ABCB5: variants seen among roughly 807,000 people sequenced by gnomAD.
ABCB5 encodes the protein ATP binding cassette subfamily B member 5, also known as ATP-binding cassette sub-family B member 5.
A neutral mutation model predicts 144.2 loss-of-function variants in ABCB5; 155 were observed. That is an observed-to-expected ratio of 1.08 (90% CI 0.94 to 1.23). The LOEUF (loss-of-function observed/expected upper bound fraction) is 1.23, where lower values mean the gene tolerates loss of function less well. Ranked by LOEUF, ABCB5 falls within the 50% of genes most tolerant of loss-of-function variation. ABCB5 has a pLI of 0.00. For missense variants in ABCB5, 1,830 were observed against 1,520.8 expected, an observed-to-expected ratio of 1.20 and a Z score of -3.38; for synonymous variants, 610 against 528.6, an observed-to-expected ratio of 1.15 and a Z score of -2.11.
chr7:20,654,527 G>A (rs1388777103), intron 13 of ABCB5, among the ~76,000 whole-genome samples: 1 of 152,090 alleles, frequency 6.6e-6, no homozygotes, highest in Non-Finnish European at 1.5e-5. Flanking sequence ...CGACATTCCA[G>A]CCAACAACAG....
rs1180930969 is a variant in ABCB5 at position 20,647,971 on chromosome 7, C to A, written c.1099C>A (p.Pro367Thr). The A allele has an allele frequency of 6.3e-7, 1 of 1,575,994 alleles. No homozygotes were observed. Among genetic ancestry groups the A allele is most frequent in the South Asian group, 1.1e-5 (1 of 90,104 alleles). Residue 367 changes from proline to threonine, a missense_variant, in exon 11 of 28, where the codon CCC (proline) becomes ACC (threonine). Physicochemically the swap from Pro to Thr is conservative, Grantham distance 38. Transcript: ENST00000404938. ...FHIFQVIDKK[P>T]SIDNFSTAGY... ...ACATTTCCTTTGTTTTTCCAAGAAA[C>A]CCAGTATAGATAACTTTTCCACAGC...
intron 20 of ABCB5, among the ~76,000 whole-genome samples, chr7:20,707,929 G>A (rs148196418): frequency 0.17 from 26,110 of 149,492 alleles, 2,990 homozygotes; most frequent in East Asian, 0.58. Context: ...TCAGCCTCCC[G>A]AGTAGCTGGG....
chr7:20,623,129 G>A (rs1562525549), intron 1 of ABCB5, 136 bp from the exon 2 acceptor site: 3 of 587,916 alleles, frequency 5.1e-6, no homozygotes, highest in Non-Finnish European at 9.1e-6. Flanking sequence ...AATTGGAGTG[G>A]GGGGCTGGGC....
At position 20,645,884 on chromosome 7, in the gene ABCB5, T is replaced by C; in HGVS notation, c.803+4T>C. 1.9e-6 allele frequency: 3 copies of C among 1,613,178 alleles called. No homozygotes were observed. The highest frequency in any genetic ancestry group is 2.5e-6 in the Non-Finnish European group (3 of 1,179,612). On this transcript the variant is annotated splice_donor_region_variant and intron_variant, in intron 8 of 27. Coordinates refer to ENST00000404938, the MANE Select transcript of ABCB5 (RefSeq NM_001163941.2). ...CCCAGGAGAAAGAACTTCAAAGGTC[T>C]TTCCTTTTAAATATAACAAGATATG...
chr7:20,619,622 T>G (rs1783766422), intron 1 of ABCB5, among the ~76,000 whole-genome samples: 1 of 152,158 alleles, frequency 6.6e-6, no homozygotes, highest in Non-Finnish European at 1.5e-5. Context: ...TCTCTCATTT[T>G]GTAGGTTATG....
chr7:20,662,684 A>T (rs7792111), intron 14 of ABCB5, among the ~76,000 whole-genome samples: 7,763 of 151,878 alleles, frequency 0.051, 556 homozygotes, highest in African/African-American at 0.16. Flanking sequence ...AAAAAACATG[A>T]TTGGATATTT....
intron 26 of ABCB5, among the ~76,000 whole-genome samples, chr7:20,750,438 C>T (rs925726609): frequency 6.6e-6 from 1 of 151,476 alleles, no homozygotes; most frequent in African/African-American, 2.4e-5. Flanking sequence ...ACAAGCCACA[C>T]ACAAATTGTG....
At chr7:20,626,448 TA>T in intron 2 of ABCB5, 108 bp from the exon 3 acceptor site, 1 of 842,750 alleles carries the variant, frequency 1.2e-6, no homozygotes, top group Non-Finnish European at 1.8e-6. Flanking sequence ...AGTGTTGGTA[TA>T]AATTTGCTAC....
chr7:20,632,347 T>A (rs1057192555), intron 5 of ABCB5, among the ~76,000 whole-genome samples: 12 of 152,156 alleles, frequency 7.9e-5, no homozygotes, highest in Non-Finnish European at 1.2e-4. Flanking sequence ...AGAGTTGTCA[T>A]CAATTTTAAA....
chr7:20,617,259 A>T (rs752816789), intron 1 of ABCB5, among the ~76,000 whole-genome samples: 8 of 152,194 alleles, frequency 5.3e-5, no homozygotes, highest in Non-Finnish European at 8.8e-5. Context: ...TTAAAAAATC[A>T]TCTAATGAGC....
chr7:20,719,058 A>T (rs1412518925), intron 20 of ABCB5, among the ~76,000 whole-genome samples: 2 of 152,238 alleles, frequency 1.3e-5, no homozygotes, highest in Non-Finnish European at 2.9e-5. Context: ...AAATCAGGAT[A>T]CAAAACTGCA....
At chr7:20,724,376 C>G (rs1453844778) in intron 21 of ABCB5, among the ~76,000 whole-genome samples, 1 of 151,994 alleles carries the variant, frequency 6.6e-6, no homozygotes, top group Non-Finnish European at 1.5e-5. Context: ...ACCTGTAATC[C>G]CAGAACTTTG....
At chr7:20,663,324 CA>C (rs1358401299) in intron 14 of ABCB5, among the ~76,000 whole-genome samples, 2 of 152,026 alleles carry the variant, frequency 1.3e-5, no homozygotes, top group Non-Finnish European at 2.9e-5. Flanking sequence ...CTACAGTAGC[CA>C]AAAGGTGAAA....
At chr7:20,745,197 T>C (rs1782680687) in intron 25 of ABCB5, 35 bp from the exon 26 acceptor site, 1 of 1,599,210 alleles carries the variant, frequency 6.3e-7, no homozygotes, top group Admixed American at 1.7e-5. Flanking sequence ...AGTTGTGTGA[T>C]CTTAACACAC....
intron 20 of ABCB5, among the ~76,000 whole-genome samples, chr7:20,713,017 A>G (rs887114704): frequency 9.4e-5 from 14 of 149,488 alleles, no homozygotes; most frequent in African/African-American, 3.5e-4. Flanking sequence ...TCCTAATTGA[A>G]ATTGTGTGTC....
At chr7:20,644,089 GT>G (rs11345008) in intron 7 of ABCB5, among the ~76,000 whole-genome samples, 28,848 of 145,644 alleles carry the variant, frequency 0.2, 3,688 homozygotes, top group African/African-American at 0.38. Context: ...TATATGTAAA[GT>G]TTTTTTTTTT....
chr7:20,739,076 T>C lies in ABCB5; in HGVS notation c.2961T>C (p.His987=). 6.2e-7 allele frequency: 1 copy of C among 1,611,404 alleles called. No homozygotes were observed. The highest frequency in any genetic ancestry group is 1.3e-5 in the African/African-American group (1 of 74,876). Residue 987 remains histidine (H), a synonymous_variant, in exon 24 of 28, where the codon CAT becomes CAC. Coordinates refer to ENST00000404938, the MANE Select transcript of ABCB5 (RefSeq NM_001163941.2). Reference sequence around the variant, plus strand: ...CCAAAGCCAAATCGGGGGCTGCGCATCTGTTTGCCTTGTTGGAAAAGAAAC... The same window carrying C: ...CCAAAGCCAAATCGGGGGCTGCGCACCTGTTTGCCTTGTTGGAAAAGAAAC... ...EYSKAKSGAA[H]LFALLEKKPN... is the part of the protein sequence containing the mutation.
intron 23 of ABCB5, among the ~76,000 whole-genome samples, chr7:20,731,067 T>C (rs80032691): frequency 1.3e-5 from 2 of 150,658 alleles, no homozygotes; most frequent in Non-Finnish European, 3.0e-5. Context: ...TAAAAAAAAA[T>C]AAGAAGGCCA....
In ABCB5 at chr7:20,623,354, G is replaced by C. The variant is rs771304888; in HGVS notation, c.53+16G>C. On this transcript the variant is annotated intron_variant, in intron 2 of 27. Transcript: ENST00000404938. ...AGAGAAATGGGTAAGCTCTCACTAA[G>C]TTCTGTAAGTATGCTTCCACAACTT... 1 of 1,536,898 alleles carries C rather than the reference G, an allele frequency of 6.5e-7. No homozygotes were observed. Among genetic ancestry groups the C allele is most frequent in the Non-Finnish European group, 8.8e-7 (1 of 1,133,312 alleles).
Sources: gnomAD v4.1 joint callset for allele counts (sites outside exome capture counted in the v4.1 genomes callset) on GRCh38, gnomAD v4.1.1 for gene constraint, MANE v1.5 for transcripts, NCBI Gene and HGNC (gene_info 2026-07-23, HGNC 2026-07-21) for gene names.